CRACD: variants seen among roughly 807,000 people sequenced by gnomAD.
CRACD encodes the protein capping protein inhibiting regulator of actin dynamics.
Under a neutral mutation model 106.8 loss-of-function variants are expected in CRACD, and 56 were observed. The ratio of observed to expected loss-of-function variants is 0.52; its 90% CI spans 0.42 to 0.66. The LOEUF is 0.66. CRACD is among the 30% of genes least tolerant of loss of function. CRACD has a pLI of 0.00. For missense variants in CRACD, 1,730 were observed against 1,623.2 expected, an observed-to-expected ratio of 1.07 and a Z score of -1.13; for synonymous variants, 754 against 670.8, an observed-to-expected ratio of 1.12 and a Z score of -1.92.
intron 1 of CRACD, among the ~76,000 whole-genome samples, chr4:56,130,422 A>G (rs1324479178): frequency 6.6e-6 from 1 of 152,182 alleles, no homozygotes; most frequent in Non-Finnish European, 1.5e-5. Flanking sequence ...TCTTCTGATT[A>G]ATCCTCAGTT....
intron 2 of CRACD, among the ~76,000 whole-genome samples, chr4:56,253,330 G>A (rs1346548812): frequency 6.6e-6 from 1 of 152,178 alleles, no homozygotes; most frequent in Non-Finnish European, 1.5e-5. Context: ...AGTTTTATGA[G>A]CCAGATATGT....
At chr4:56,202,896 T>C (rs538915129) in intron 2 of CRACD, among the ~76,000 whole-genome samples, 4 of 152,356 alleles carry the variant, frequency 2.6e-5, no homozygotes, top group African/African-American at 9.6e-5. Flanking sequence ...GACTAACTTA[T>C]GGTATCAATT....
intron 1 of CRACD, among the ~76,000 whole-genome samples, chr4:56,102,430 A>G (rs561412870): frequency 6.6e-6 from 1 of 152,282 alleles, no homozygotes; most frequent in Admixed American, 6.5e-5. Context: ...GGGGGTAGAG[A>G]AACGTATGAC....
intron 1 of CRACD, among the ~76,000 whole-genome samples, chr4:56,077,734 A>T (rs935719922): frequency 1.3e-5 from 2 of 152,120 alleles, no homozygotes; most frequent in Admixed American, 6.5e-5. Context: ...GGCCTTGGGG[A>T]TATAAAGGTG....
chr4:56,176,381 T>C (rs1736582897), intron 1 of CRACD, among the ~76,000 whole-genome samples: 1 of 152,058 alleles, frequency 6.6e-6, no homozygotes, highest in Non-Finnish European at 1.5e-5. Flanking sequence ...TATGGGCATT[T>C]AACAATATTA....
chr4:56,107,803 G>A (rs1483179893), intron 1 of CRACD, among the ~76,000 whole-genome samples: 1 of 152,196 alleles, frequency 6.6e-6, no homozygotes, highest in East Asian at 1.9e-4. Context: ...TACAGGTTGT[G>A]GAGCTGACAC....
intron 1 of CRACD, among the ~76,000 whole-genome samples, chr4:56,138,289 A>C (rs6554332): frequency 0.39 from 59,485 of 151,590 alleles, 12,491 homozygotes; most frequent in East Asian, 0.54. Flanking sequence ...CATGGTGAAA[A>C]CCTGTCTCTA....
chr4:56,122,573 T>C (rs1181657493), intron 1 of CRACD, among the ~76,000 whole-genome samples: 7 of 152,174 alleles, frequency 4.6e-5, no homozygotes, highest in Non-Finnish European at 8.8e-5. Flanking sequence ...CATTATGCAC[T>C]GTTACTAGGT....
chr4:56,328,250 A>T lies in CRACD; in HGVS notation c.*446A>T. ...GTCTGGGAATGTTTATCCTTTCTAC[A>T]GTAATGGTGAAAGGATCATATCTAG... On this transcript the variant is annotated 3_prime_UTR_variant, in exon 11 of 11. Transcript: ENST00000682029. 1 of 502,918 alleles carries T rather than the reference A, an allele frequency of 2.0e-6. No homozygotes were observed. Among genetic ancestry groups the T allele is most frequent in the Admixed American group, 2.0e-5 (1 of 49,566 alleles). The allele number at this position is 502,918 out of a possible 1,614,324, so 31.2% of individuals were successfully genotyped here.
intron 2 of CRACD, chr4:56,246,426 CAG>C (rs1004729598): frequency 1.3e-5 from 2 of 152,190 alleles, no homozygotes; most frequent in Non-Finnish European, 2.9e-5. Flanking sequence ...CTCCTTCACA[CAG>C]GGGTTCTCAG....
chr4:56,211,594 C>T (rs573422959), intron 2 of CRACD, among the ~76,000 whole-genome samples: 25 of 152,162 alleles, frequency 1.6e-4, no homozygotes, highest in Non-Finnish European at 2.9e-4. Flanking sequence ...CAGCTCTCAG[C>T]GGAGAGGGGA....
chr4:56,077,119 C>G (rs1462875285), intron 1 of CRACD, among the ~76,000 whole-genome samples: 2 of 152,134 alleles, frequency 1.3e-5, no homozygotes, highest in Non-Finnish European at 2.9e-5. Flanking sequence ...ATGTGCTACC[C>G]AAGACTGGGT....
chr4:56,259,546 C>T (rs1373625865), intron 2 of CRACD, among the ~76,000 whole-genome samples: 1 of 152,158 alleles, frequency 6.6e-6, no homozygotes, highest in Non-Finnish European at 1.5e-5. Context: ...AAAAACATAA[C>T]TCATTCTCTT....
At chr4:56,174,577 G>A (rs1310374355) in intron 1 of CRACD, among the ~76,000 whole-genome samples, 1 of 152,066 alleles carries the variant, frequency 6.6e-6, no homozygotes, top group Non-Finnish European at 1.5e-5. Context: ...TTAACCTAAT[G>A]TCTAGTTCCA....
intron 2 of CRACD, among the ~76,000 whole-genome samples, chr4:56,267,986 T>C (rs1329391078): frequency 2.0e-5 from 3 of 152,190 alleles, no homozygotes; most frequent in South Asian, 4.1e-4. Flanking sequence ...TTTCTCATCC[T>C]TGTGTGTATT....
intron 2 of CRACD, among the ~76,000 whole-genome samples, chr4:56,251,176 T>C (rs1440201930): frequency 6.6e-6 from 1 of 152,158 alleles, no homozygotes; most frequent in Non-Finnish European, 1.5e-5. Context: ...AGGAATAGAG[T>C]ATGCCTTGAC....
At chr4:56,214,972 C>G (rs1443848264) in intron 2 of CRACD, among the ~76,000 whole-genome samples, 2 of 152,004 alleles carry the variant, frequency 1.3e-5, no homozygotes, top group African/African-American at 4.8e-5. Context: ...TGCACTCCAG[C>G]CTGGGCAACA....
intron 1 of CRACD, 45 bp from the exon 2 acceptor site, chr4:56,179,239 G>T (rs1736712216): frequency 6.6e-6 from 1 of 151,768 alleles, no homozygotes; most frequent in Admixed American, 6.6e-5. Context: ...CCCAAGAGAG[G>T]ATTGAAGACA....
intron 1 of CRACD, among the ~76,000 whole-genome samples, chr4:56,104,849 C>G (rs1733891866): frequency 6.6e-6 from 1 of 151,878 alleles, no homozygotes; most frequent in African/African-American, 2.4e-5. Context: ...TGCCTGTAAT[C>G]CCAGCTACTC....
Sources: allele counts gnomAD v4.1 joint callset (sites outside exome capture counted in the v4.1 genomes callset), GRCh38; gene constraint gnomAD v4.1.1; transcripts MANE v1.5; gene names NCBI Gene and HGNC (gene_info 2026-07-23, HGNC 2026-07-21).